CHPF2: variants seen among roughly 807,000 people sequenced by gnomAD.
CHPF2 encodes the protein chondroitin polymerizing factor 2, also known as chondroitin polymerizing factor 2, non-catalytic subunit.
A neutral mutation model predicts 63.0 loss-of-function variants in CHPF2; 58 were observed. The ratio of observed to expected loss-of-function variants is 0.92; its 90% CI spans 0.75 to 1.15. The LOEUF (loss-of-function observed/expected upper bound fraction) is 1.15. CHPF2 is among the 50% of genes most tolerant of loss of function. The pLI, the probability that CHPF2 is intolerant of heterozygous loss-of-function variation, is 0.00. For synonymous variants in CHPF2, 442 were observed against 438.0 expected (o/e 1.01, Z -0.11); for missense variants, 1,045 against 1,035.4 (o/e 1.01, Z -0.13).
In CHPF2 at chr7:151,232,750, G is replaced by T; in HGVS notation, c.-1262G>T. The T allele has an allele frequency of 6.6e-7, 1 of 1,509,154 alleles. No individual in the cohort carries two copies. The highest frequency in any genetic ancestry group is 8.8e-7 in the Non-Finnish European group (1 of 1,135,576). The allele number at this position is 1,509,154 out of a possible 1,614,324, so 93.5% of individuals were successfully genotyped here. On this transcript the variant is annotated 5_prime_UTR_variant, in exon 1 of 4. Transcript: ENST00000035307. ...GGCCTTGGGCGTCCCTCCTGGTCCT[G>T]CGCTCGCGGCCTCGATGCTGTCTCT...
chr7:151,233,165 C>A lies in CHPF2; in HGVS notation c.-847C>A. On this transcript the variant is annotated 5_prime_UTR_variant, in exon 1 of 4. Coordinates refer to ENST00000035307, the MANE Select transcript of CHPF2 (RefSeq NM_019015.3). Reference sequence around the variant, plus strand: ...CTGGGGCCCTGGTAAAACCAGGCACCGAATCGCTCGCACACAGAGTTCCAG... The same window carrying A: ...CTGGGGCCCTGGTAAAACCAGGCACAGAATCGCTCGCACACAGAGTTCCAG... 9.5e-7 allele frequency: 1 copy of A among 1,058,160 alleles called. No homozygotes were observed. Among genetic ancestry groups the A allele is most frequent in the Non-Finnish European group, 1.1e-6 (1 of 877,072 alleles). 65.5% of individuals were successfully genotyped at this position (1,058,160 alleles called of 1,614,324 possible).
chr7:151,235,749 T>C, intron 2 of CHPF2, 137 bp downstream of exon 2: 1 of 833,570 alleles, frequency 1.2e-6, no homozygotes, highest in Non-Finnish European at 1.9e-6. Flanking sequence ...CCTCCGTTGC[T>C]CACCTTTGGC....
In CHPF2 at chr7:151,238,755, G is replaced by A. The variant is rs1279351228; in HGVS notation, c.*74G>A. On this transcript the variant is annotated 3_prime_UTR_variant, in exon 4 of 4. Coordinates refer to ENST00000035307, the MANE Select transcript of CHPF2 (RefSeq NM_019015.3). ...CCCAGGAAGGGCAAGGCAAGATGGT[G>A]GACAGATAGAGAATTGTTGCTGTAT... is the stretch of plus-strand genomic sequence containing the variant. 1.3e-6 allele frequency: 2 copies of A among 1,594,178 alleles called. No individual in the cohort carries two copies. Among genetic ancestry groups the A allele is most frequent in the East Asian group, 2.3e-5 (1 of 44,342 alleles).
chr7:151,233,081 C>A lies in CHPF2; in HGVS notation c.-931C>A. The stretch of plus-strand genomic sequence containing the variant: ...TCTGTTTGCGTTCCCAGGACCCTGG[C>A]ATTGTCTCTAGTTGCTGCTTGTGCT... On this transcript the variant is annotated 5_prime_UTR_variant, in exon 1 of 4. Coordinates refer to ENST00000035307, the MANE Select transcript of CHPF2 (RefSeq NM_019015.3). 8.1e-7 allele frequency: 1 copy of A among 1,233,598 alleles called. No homozygotes were observed. The highest frequency in any genetic ancestry group is 1.6e-5 in the African/African-American group (1 of 64,188). 76.4% of individuals were successfully genotyped at this position (1,233,598 alleles called of 1,614,324 possible).
chr7:151,234,211 A>T lies in CHPF2; in HGVS notation c.200A>T (p.Asp67Val). 1 of 1,612,948 alleles carries T rather than the reference A, an allele frequency of 6.2e-7. No homozygotes were observed. Among genetic ancestry groups the T allele is most frequent in the Non-Finnish European group, 8.5e-7 (1 of 1,179,466 alleles). ...SRARLDQSDE[D>V]FKPRIVPYYR... ...GCTCGGCTAGACCAAAGTGATGAAG[A>T]CTTCAAACCCCGGATTGTCCCCTAC... Residue 67 changes from aspartate to valine, a missense_variant, in exon 1 of 4, where the codon GAC (aspartate) becomes GTC (valine). Transcript: ENST00000035307.
In CHPF2 at chr7:151,238,614, AG is replaced by A. The variant is rs34359661; in HGVS notation, c.2256del (p.Leu753Ter). On this transcript the variant is annotated frameshift_variant, in exon 4 of 4. Transcript: ENST00000035307. LOFTEE classifies it high-confidence loss of function. ...CACCGCTGCCGCCTCAGCAACCTGG[AG>A]GGGCTAGGGGGCCGTGCCCAGCTGG... ...LYHRCRLSNLEGLGGRAQLAM... is the reference protein window; with the variant it reads ...LYHRCRLSNLXGLGGRAQLAM... 1.2e-6 allele frequency: 2 copies of A among 1,612,154 alleles called. No homozygotes were observed. The highest frequency in any genetic ancestry group is 1.3e-5 in the African/African-American group (1 of 75,010).
chr7:151,238,361 C>T lies in CHPF2; in HGVS notation c.1999C>T (p.Gln667Ter). 6.2e-7 allele frequency: 1 copy of T among 1,608,152 alleles called. No individual in the cohort carries two copies. The highest frequency in any genetic ancestry group is 8.5e-7 in the Non-Finnish European group (1 of 1,176,974). Residue 667 changes from glutamine to a stop codon, truncating the protein, a stop_gained, in exon 4 of 4, where the codon CAG (glutamine) becomes TAG (stop). Coordinates refer to ENST00000035307, the MANE Select transcript of CHPF2 (RefSeq NM_019015.3). LOFTEE classifies it high-confidence loss of function. The part of the protein sequence containing the change: ...GAPIGGRFDR[Q>*]ASAEGCFYNA... The stretch of plus-strand genomic sequence containing the variant: ...TCCTATAGGGGGGAGATTTGACCGG[C>T]AGGCTTCTGCGGAGGGCTGCTTCTA...
Position 151,233,378 on chromosome 7 carries a change from T to C in CHPF2, c.-634T>C, listed in dbSNP as rs921642896. ...GCTCCTGAGTGGGAGGAGGGGTTCC[T>C]GTAGCCGTTGCGTCTTCTCAAACAC... is the stretch of plus-strand genomic sequence containing the variant. On this transcript the variant is annotated 5_prime_UTR_variant, in exon 1 of 4. Coordinates refer to ENST00000035307, the MANE Select transcript of CHPF2 (RefSeq NM_019015.3). 31 of 984,650 alleles carry C rather than the reference T, an allele frequency of 3.1e-5. No homozygotes were observed. The highest frequency in any genetic ancestry group is 3.5e-5 in the Non-Finnish European group (29 of 829,228). 61.0% of individuals were successfully genotyped at this position (984,650 alleles called of 1,614,324 possible).
intron 3 of CHPF2, chr7:151,236,831 G>A (rs1802667651): frequency 1.7e-6 from 1 of 603,204 alleles, no homozygotes. Context: ...CAGCTAAAGG[G>A]GTTTGCAAGT....
At chr7:151,234,683 G>T (rs1485950596) in intron 1 of CHPF2, among the ~76,000 whole-genome samples, 2 of 152,070 alleles carry the variant, frequency 1.3e-5, no homozygotes, top group African/African-American at 4.8e-5. Flanking sequence ...TAGACATGAG[G>T]TTTCTTCATG....
chr7:151,235,371 C>G lies in CHPF2; in HGVS notation c.587C>G (p.Ala196Gly). 1 of 1,613,778 alleles carries G rather than the reference C, an allele frequency of 6.2e-7. No homozygotes were observed. The highest frequency in any genetic ancestry group is 8.5e-7 in the Non-Finnish European group (1 of 1,180,034). Residue 196 changes from alanine to glycine, a missense_variant, in exon 2 of 4, where the codon GCT becomes GGT. Physicochemically the swap from Ala to Gly is moderately conservative, Grantham distance 60. Transcript: ENST00000035307. ...CAGGCCCCCCGCCTGGCAGCCCTTG[C>G]TGGCCACCTCAGCATCAACCAAGAC... ...YVQAPRLAAL[A>G]GHLSINQDLY...
At chr7:151,234,312 C>T in intron 1 of CHPF2, 38 bp downstream of exon 1, 7 of 1,442,544 alleles carry the variant, frequency 4.9e-6, no homozygotes, top group South Asian at 3.0e-5. Context: ...CAGACACTGG[C>T]CCTGTTTTGG....
rs1802658316 is a variant in CHPF2 at position 151,236,575 on chromosome 7, A to T, written c.996A>T (p.Glu332Asp). 1 of 1,585,056 alleles carries T rather than the reference A, an allele frequency of 6.3e-7. No homozygotes were observed. The highest frequency in any genetic ancestry group is 8.6e-7 in the Non-Finnish European group (1 of 1,161,318). ...TGGAGTTGGAGCGGGCTTACAGTGA[A>T]ATAGAACAACTGCAGGTGAGCTGAA... Reference protein sequence around the residue: ...SALELERAYSEIEQLQAQIRN... With the variant: ...SALELERAYSDIEQLQAQIRN... Residue 332 changes from glutamate to aspartate, a missense_variant, in exon 3 of 4, where the codon GAA becomes GAT. Transcript: ENST00000035307.
chr7:151,235,676 T>A lies in CHPF2; in HGVS notation c.828+64T>A, dbSNP rs112725059. 9.6e-5 allele frequency: 139 copies of A among 1,441,800 alleles called. 1 individual carries two copies. The African/African-American group carries it at 1.6e-3, about 17-fold the overall frequency. The allele number at this position is 1,441,800 out of a possible 1,614,324, so 89.3% of individuals were successfully genotyped here. On this transcript the variant is annotated intron_variant, in intron 2 of 3. Coordinates refer to ENST00000035307, the MANE Select transcript of CHPF2 (RefSeq NM_019015.3). ...CTAGTGGGGGATGAGTGATTGGCCT[T>A]CCTCCCAGCAGCACCTTAGAGGCCA...
chr7:151,233,281 C>T lies in CHPF2; in HGVS notation c.-731C>T. 3 of 989,812 alleles carry T rather than the reference C, an allele frequency of 3.0e-6. No homozygotes were observed. Among genetic ancestry groups the T allele is most frequent in the Non-Finnish European group, 3.6e-6 (3 of 832,854 alleles). The allele number at this position is 989,812 out of a possible 1,614,324, so 61.3% of individuals were successfully genotyped here. On this transcript the variant is annotated 5_prime_UTR_variant, in exon 1 of 4. It introduces an in-frame stop codon into an upstream open reading frame of the 5' UTR. Transcript: ENST00000035307. The stretch of plus-strand genomic sequence containing the variant: ...GGCCATGGCGCTCCTGAGAGGCTGT[C>T]AGTGCTGAGTCACCGATCTACCTCA...
intron 2 of CHPF2, among the ~76,000 whole-genome samples, 164 bp downstream of exon 2, chr7:151,235,776 G>T (rs1415879007): frequency 6.6e-6 from 1 of 152,228 alleles, no homozygotes; most frequent in Non-Finnish European, 1.5e-5. Context: ...AGAACCTGGG[G>T]CTATCAAAAG....
rs1290264121 is a variant in CHPF2 at position 151,235,395 on chromosome 7, A to T, written c.611A>T (p.Asp204Val). 3.7e-6 allele frequency: 6 copies of T among 1,613,262 alleles called. No homozygotes were observed. The highest frequency in any genetic ancestry group is 5.1e-6 in the Non-Finnish European group (6 of 1,180,012). Reference sequence around the variant, plus strand: ...GCTGGCCACCTCAGCATCAACCAAGACCTGTACTTAGGCCGGGCAGAGGAG... The same window carrying T: ...GCTGGCCACCTCAGCATCAACCAAGTCCTGTACTTAGGCCGGGCAGAGGAG... ...ALAGHLSINQ[D>V]LYLGRAEEFI... The change falls in exon 2 of 4, where the codon GAC becomes GTC. Residue 204 changes from aspartate (D) to valine (V), a missense_variant. Asp to Val is a radical substitution (Grantham distance 152, BLOSUM62 -3). Transcript: ENST00000035307.
chr7:151,236,690 G>C, intron 3 of CHPF2, 100 bp downstream of exon 3: 1 of 1,130,886 alleles, frequency 8.8e-7, no homozygotes, highest in Non-Finnish European at 1.2e-6. Flanking sequence ...TGGCAGTGGG[G>C]CTGGGCTAGG....
chr7:151,237,146 ACCT>A (rs1802685153), intron 3 of CHPF2: 1 of 623,644 alleles, frequency 1.6e-6, no homozygotes, highest in Non-Finnish European at 2.9e-6. Context: ...CACATTTTCC[ACCT>A]CCTTCTCATG....
Sources: gnomAD v4.1 joint callset for allele counts (sites outside exome capture counted in the v4.1 genomes callset) on GRCh38, gnomAD v4.1.1 for gene constraint, MANE v1.5 for transcripts, NCBI Gene and HGNC (gene_info 2026-07-23, HGNC 2026-07-21) for gene names.